Variants in GALNS observed in about 807,000 individuals in gnomAD.
GALNS encodes galactosamine (N-acetyl)-6-sulfatase.
Under a neutral mutation model 65.9 loss-of-function variants are expected in GALNS, and 65 were observed. The observed-to-expected ratio is 0.99, with a 90% CI of 0.81 to 1.21. The LOEUF (loss-of-function observed/expected upper bound fraction) is 1.21, where lower values mean the gene tolerates loss of function less well. GALNS is among the 50% of genes most tolerant of loss of function. The probability of loss-of-function intolerance (pLI) is 0.00; values close to 1 mark genes in which losing one functional copy is unlikely to be tolerated. For missense variants in GALNS, 776 were observed against 700.7 expected (o/e 1.11, Z -1.21); for synonymous variants, 346 against 288.9 (o/e 1.20, Z -2.00).
chr16:88,832,126 G>A (rs1279237103), intron 8 of GALNS, 25 bp from the exon 9 acceptor site: 2 of 1,597,026 alleles, frequency 1.3e-6, no homozygotes, highest in Non-Finnish European at 1.7e-6. Context: ...CCCTTGTCAG[G>A]CCACTGGGAC....
chr16:88,830,066 A>G (rs988492194), intron 9 of GALNS, among the ~76,000 whole-genome samples: 1 of 152,066 alleles, frequency 6.6e-6, no homozygotes, highest in African/African-American at 2.4e-5. Context: ...CTCCGTCTCT[A>G]CTAAAAATAC....
intron 9 of GALNS, 66 bp downstream of exon 9, chr16:88,831,932 G>C: frequency 7.3e-7 from 1 of 1,378,024 alleles, no homozygotes; most frequent in Non-Finnish European, 1.0e-6. Flanking sequence ...AGTGAGGGGC[G>C]CACACACCCT....
At chr16:88,834,194 G>A (rs911510970) in intron 8 of GALNS, among the ~76,000 whole-genome samples, 6 of 152,258 alleles carry the variant, frequency 3.9e-5, no homozygotes, top group African/African-American at 1.4e-4. Flanking sequence ...GCGCGAGGGA[G>A]CCTATGCTTC....
chr16:88,814,855 TC>T (rs1909466115), intron 13 of GALNS, among the ~76,000 whole-genome samples: 1 of 152,220 alleles, frequency 6.6e-6, no homozygotes. Flanking sequence ...TGCCTTGGCC[TC>T]CCAAGGTGCT....
intron 13 of GALNS, chr16:88,817,258 G>A (rs1909728240): frequency 1.4e-5 from 14 of 980,198 alleles, no homozygotes; most frequent in Admixed American, 6.2e-5. Flanking sequence ...AGACGACGAC[G>A]CATCCTTTGT....
intron 1 of GALNS, among the ~76,000 whole-genome samples, chr16:88,848,068 T>C (rs1288218614): frequency 6.6e-6 from 1 of 152,176 alleles, no homozygotes; most frequent in East Asian, 1.9e-4. Flanking sequence ...AAAAACCCTG[T>C]GTGAGGGGAA....
chr16:88,827,951 C>T (rs189468564), intron 9 of GALNS, among the ~76,000 whole-genome samples: 54 of 152,372 alleles, frequency 3.5e-4, no homozygotes, highest in African/African-American at 1.3e-3. Context: ...GCCAGCTCCT[C>T]GCTAGGGCAG....
intron 1 of GALNS, chr16:88,855,901 G>C (rs922429882): frequency 1.5e-5 from 8 of 528,090 alleles, no homozygotes; most frequent in African/African-American, 3.8e-5. Flanking sequence ...CTGGTACTCG[G>C]TGTCGTCCCA....
chr16:88,854,902 G>A (rs935297607), intron 1 of GALNS, among the ~76,000 whole-genome samples: 7 of 152,250 alleles, frequency 4.6e-5, no homozygotes, highest in Non-Finnish European at 7.3e-5. Flanking sequence ...TTCTTTAGGC[G>A]TCAGCTGCCA....
chr16:88,824,869 C>T lies in GALNS; in HGVS notation c.1140G>A (p.Arg380=). Residue 380 remains arginine (R), a splice_region_variant and synonymous_variant, in exon 11 of 14, where the codon AGG becomes AGA. Coordinates refer to ENST00000268695, the MANE Select transcript of GALNS (RefSeq NM_000512.5). The part of the protein sequence containing the change: ...PTLLQGRLMD[R]PIFYYRGDTL... ...TGTCGCCACGGTAATAGAAGATAGG[C>T]CTGTGGGATGGGAGGGGAGGACCAT... 1 of 1,612,774 alleles carries T rather than the reference C, an allele frequency of 6.2e-7. No individual in the cohort carries two copies. The highest frequency in any genetic ancestry group is 8.5e-7 in the Non-Finnish European group (1 of 1,179,752).
chr16:88,815,468 G>A (rs1301734615), intron 13 of GALNS: 1 of 985,370 alleles, frequency 1.0e-6, no homozygotes, highest in Non-Finnish European at 1.2e-6. Flanking sequence ...TCCATCGCCT[G>A]GGTGTGTGTG....
chr16:88,827,457 G>A (rs1187922688), intron 9 of GALNS, among the ~76,000 whole-genome samples: 2 of 152,066 alleles, frequency 1.3e-5, no homozygotes. Context: ...TTTTGTTTTT[G>A]TTTTTTGAGA....
At position 88,835,288 on chromosome 16, in the gene GALNS, G is replaced by C; in HGVS notation, c.823C>G (p.Leu275Val). 1 of 1,613,372 alleles carries C rather than the reference G, an allele frequency of 6.2e-7. No homozygotes were observed. Among genetic ancestry groups the C allele is most frequent in the South Asian group, 1.1e-5 (1 of 90,768 alleles). The change falls in exon 8 of 14, where the codon CTG becomes GTG. Residue 275 changes from leucine to valine, a missense_variant. Physicochemically the swap from Leu to Val is conservative, Grantham distance 32 (BLOSUM62 1). Transcript: ENST00000268695. ...ACGAAGGTGTTGTCCGCGACGTGCA[G>C]GTCTTGGAGGAGCTCCAGTATCTTC... ...IGKILELLQD[L>V]HVADNTFVFF...
chr16:88,855,453 G>A (rs992222509), intron 1 of GALNS: 47 of 702,750 alleles, frequency 6.7e-5, no homozygotes, highest in Non-Finnish European at 1.1e-4. Flanking sequence ...TCAGTGCAGA[G>A]AAAGGCCCGG....
chr16:88,856,535 C>T, intron 1 of GALNS: 2 of 696,528 alleles, frequency 2.9e-6, no homozygotes, highest in Non-Finnish European at 2.6e-6. Context: ...CACGCCTGGA[C>T]CCCGCGGCCA....
At chr16:88,816,138 G>A (rs1909598691) in intron 13 of GALNS, 3 of 985,434 alleles carry the variant, frequency 3.0e-6, no homozygotes, top group Non-Finnish European at 3.6e-6. Context: ...TTTTCCCCCT[G>A]CAGAGAGCAC....
intron 8 of GALNS, 111 bp downstream of exon 8, chr16:88,835,102 G>A: frequency 7.2e-7 from 1 of 1,385,224 alleles, no homozygotes. Flanking sequence ...GGACCCAGAG[G>A]GACCCTTCAT....
At chr16:88,851,311 C>A (rs771277212) in intron 1 of GALNS, among the ~76,000 whole-genome samples, 6 of 152,132 alleles carry the variant, frequency 3.9e-5, no homozygotes, top group Non-Finnish European at 5.9e-5. Context: ...CTCAGGAAGT[C>A]AAGACCAACC....
chr16:88,816,091 A>G (rs1467799686), intron 13 of GALNS: 59 of 985,116 alleles, frequency 6.0e-5, no homozygotes, highest in Non-Finnish European at 7.1e-5. Context: ...GGCCCCTCAG[A>G]CCCCAGTGGC....
Sources: allele counts gnomAD v4.1 joint callset (sites outside exome capture counted in the v4.1 genomes callset), GRCh38; gene constraint gnomAD v4.1.1; transcripts MANE v1.5; gene names NCBI Gene and HGNC (gene_info 2026-07-23, HGNC 2026-07-21).